The following VSNL1 variants were observed in gnomAD, a reference collection of about 807,000 sequenced individuals.
VSNL1 encodes visinin like 1.
Under a neutral mutation model 20.4 loss-of-function variants are expected in VSNL1, and 6 were observed. The observed-to-expected ratio is 0.29, with a 90% confidence interval of 0.16 to 0.58. VSNL1 has a LOEUF of 0.58. Among genes scored for constraint, VSNL1 ranks in the 20% least tolerant of loss-of-function variants. The pLI, the probability that VSNL1 is intolerant of heterozygous loss-of-function variation, is 0.90. For synonymous variants in VSNL1, 93 were observed against 86.4 expected, an observed-to-expected ratio of 1.08 and a Z score of -0.42; for missense variants, 100 against 234.5, an observed-to-expected ratio of 0.43 and a Z score of 3.75.
intron 1 of VSNL1, among the ~76,000 whole-genome samples, chr2:17,549,024 C>G (rs535486018): frequency 6.6e-6 from 1 of 152,202 alleles, no homozygotes; most frequent in Non-Finnish European, 1.5e-5. Context: ...TCTGACAGTG[C>G]TTAATTATCT....
chr2:17,571,984 G>A (rs1478198693), intron 1 of VSNL1, among the ~76,000 whole-genome samples: 1 of 152,182 alleles, frequency 6.6e-6, no homozygotes, highest in Non-Finnish European at 1.5e-5. Flanking sequence ...TGTTAGAGAA[G>A]ACCACAAAGT....
intron 2 of VSNL1, among the ~76,000 whole-genome samples, chr2:17,603,697 A>G (rs1664883047): frequency 6.6e-6 from 1 of 152,252 alleles, no homozygotes; most frequent in Non-Finnish European, 1.5e-5. Context: ...CAAGGCGATC[A>G]GATGGTTTTC....
intron 1 of VSNL1, among the ~76,000 whole-genome samples, chr2:17,553,655 A>G (rs1031599767): frequency 1.3e-5 from 2 of 152,218 alleles, no homozygotes; most frequent in East Asian, 1.9e-4. Context: ...ATAATGGACT[A>G]TATGTCAGAA....
chr2:17,540,872 T>C lies in VSNL1; in HGVS notation c.-52T>C, dbSNP rs1025602030. On this transcript the variant is annotated 5_prime_UTR_variant, in exon 1 of 4. Coordinates refer to ENST00000295156, the MANE Select transcript of VSNL1 (RefSeq NM_003385.5). ...AAATATATATTTTTAAAAAGAACTG[T>C]TGAGTTTTATCATTTTCGTTAAGTG... 2.6e-5 allele frequency: 4 copies of C among 152,548 alleles called. No homozygotes were observed. Among genetic ancestry groups the C allele is most frequent in the African/African-American group, 9.6e-5 (4 of 41,462 alleles). The allele number at this position is 152,548 out of a possible 1,614,324, so 9.4% of individuals were successfully genotyped here.
chr2:17,627,664 T>TG (rs925115254), intron 2 of VSNL1, among the ~76,000 whole-genome samples: 4 of 152,142 alleles, frequency 2.6e-5, no homozygotes, highest in African/African-American at 9.7e-5. Flanking sequence ...CAGGTCCAGG[T>TG]GGGGCCATCT....
intron 2 of VSNL1, among the ~76,000 whole-genome samples, chr2:17,645,195 C>T (rs1193563737): frequency 6.6e-6 from 1 of 152,272 alleles, no homozygotes; most frequent in African/African-American, 2.4e-5. Context: ...GGGCAGAGCC[C>T]TGGAGAGAGG....
At chr2:17,628,533 A>T (rs2103409641) in intron 2 of VSNL1, among the ~76,000 whole-genome samples, 1 of 152,250 alleles carries the variant, frequency 6.6e-6, no homozygotes, top group South Asian at 2.1e-4. Flanking sequence ...TTAAGTCCAG[A>T]GTTGTGGGTG....
At chr2:17,633,820 T>C (rs1665691993) in intron 2 of VSNL1, among the ~76,000 whole-genome samples, 1 of 151,842 alleles carries the variant, frequency 6.6e-6, no homozygotes, top group Non-Finnish European at 1.5e-5. Flanking sequence ...AGAGTTGGAA[T>C]ATGGGGTGGA....
chr2:17,611,561 G>A (rs1410328453), intron 2 of VSNL1, among the ~76,000 whole-genome samples: 1 of 152,168 alleles, frequency 6.6e-6, no homozygotes, highest in Non-Finnish European at 1.5e-5. Flanking sequence ...CCAGGAAGGG[G>A]GCCTTGAACT....
In VSNL1 at chr2:17,649,935, A is replaced by T. The variant is rs1462480609; in HGVS notation, c.378+310A>T. On this transcript the variant is annotated intron_variant, in intron 3 of 3. Coordinates refer to ENST00000295156, the MANE Select transcript of VSNL1 (RefSeq NM_003385.5). This position sits in a 1 kb window ranked among gnomAD's most constrained non-coding sequence, Gnocchi z 6.4. ...GGGCTGTTTCTCTGGCACTTGGTGT[A>T]TCTCTGCTCTGCCTCACTCCAGCTG... Among the ~76,000 whole-genome samples the T allele has an allele frequency of 6.6e-6, 1 of 152,108 alleles. No homozygotes were observed. The highest frequency in any genetic ancestry group is 2.4e-5 in the African/African-American group (1 of 41,422).
intron 2 of VSNL1, among the ~76,000 whole-genome samples, chr2:17,621,951 C>T (rs941525581): frequency 2.6e-5 from 4 of 152,062 alleles, no homozygotes; most frequent in East Asian, 3.9e-4. Context: ...TCCAGGGGAG[C>T]GTCCTGATTT....
intron 1 of VSNL1, 114 bp from the exon 2 acceptor site, chr2:17,591,956 C>A (rs543490821): frequency 1.5e-5 from 17 of 1,136,472 alleles, no homozygotes; most frequent in African/African-American, 3.1e-5. Context: ...TATGCATCAG[C>A]CACACTGGAG....
At position 17,656,190 on chromosome 2, in the gene VSNL1, CCCT is replaced by C. The variant is rs1394065358; in HGVS notation, c.*797_*799del. The C allele has an allele frequency of 7.2e-5, 11 of 152,072 alleles. No homozygotes were observed. The highest frequency in any genetic ancestry group is 2.7e-4 in the African/African-American group (11 of 41,398). The allele number at this position is 152,072 out of a possible 1,614,324, so 9.4% of individuals were successfully genotyped here. A position where few individuals can be genotyped will look rare whatever the true frequency, so the allele number is the denominator to read the frequency against. Reference sequence around the variant, plus strand: ...ATAAATTTATAACAATTGATTTTCCCCCTAATTCTTATTTTATAATTTTAAAAT... The same window carrying C: ...ATAAATTTATAACAATTGATTTTCCCAATTCTTATTTTATAATTTTAAAAT... On this transcript the variant is annotated 3_prime_UTR_variant, in exon 4 of 4. Coordinates refer to ENST00000295156, the MANE Select transcript of VSNL1 (RefSeq NM_003385.5).
At chr2:17,566,492 G>A (rs957656285) in intron 1 of VSNL1, among the ~76,000 whole-genome samples, 29 of 151,796 alleles carry the variant, frequency 1.9e-4, no homozygotes, top group African/African-American at 7.0e-4. Flanking sequence ...TTAATCTTTA[G>A]TGGCCATTTA....
At chr2:17,629,574 A>G (rs1478640577) in intron 2 of VSNL1, among the ~76,000 whole-genome samples, 1 of 152,182 alleles carries the variant, frequency 6.6e-6, no homozygotes, top group African/African-American at 2.4e-5. Context: ...ATGGTTTCCA[A>G]CTGCCACTGG....
intron 1 of VSNL1, among the ~76,000 whole-genome samples, chr2:17,586,439 T>C (rs1664475747): frequency 6.6e-6 from 1 of 152,212 alleles, no homozygotes; most frequent in Non-Finnish European, 1.5e-5. Context: ...AGGTTTCACC[T>C]GGGGACCGGT....
At chr2:17,602,556 A>C (rs991331033) in intron 2 of VSNL1, among the ~76,000 whole-genome samples, 2 of 152,156 alleles carry the variant, frequency 1.3e-5, no homozygotes, top group African/African-American at 4.8e-5. Flanking sequence ...CAGCCTGGCC[A>C]ACACGGCGAA....
chr2:17,623,921 G>C (rs1665445850), intron 2 of VSNL1, among the ~76,000 whole-genome samples: 1 of 152,168 alleles, frequency 6.6e-6, no homozygotes, highest in East Asian at 1.9e-4. Flanking sequence ...GGTGAGGATG[G>C]CTTCTAAGAG....
intron 1 of VSNL1, among the ~76,000 whole-genome samples, chr2:17,582,387 G>C (rs1404232440): frequency 6.6e-6 from 1 of 152,120 alleles, no homozygotes; most frequent in Non-Finnish European, 1.5e-5. Context: ...GTTTTAGAAA[G>C]GTCATTCCAG....
Sources: allele counts gnomAD v4.1 joint callset (sites outside exome capture counted in the v4.1 genomes callset), GRCh38; gene constraint gnomAD v4.1.1; non-coding constraint Gnocchi (gnomAD v3.1); transcripts MANE v1.5; gene names NCBI Gene and HGNC (gene_info 2026-07-23, HGNC 2026-07-21).